The following WSB1 variants were observed in gnomAD, a reference collection of about 807,000 sequenced individuals.
WSB1 encodes the protein WD repeat and SOCS box containing 1.
Under a neutral mutation model 50.2 loss-of-function variants are expected in WSB1, and 23 were observed. The observed-to-expected ratio is 0.46, with a 90% confidence interval of 0.33 to 0.65. The LOEUF (loss-of-function observed/expected upper bound fraction) is 0.65. WSB1 is among the 30% of genes least tolerant of loss of function. The probability of loss-of-function intolerance (pLI) is 0.02; values close to 1 mark genes in which losing one functional copy is unlikely to be tolerated. For missense variants in WSB1, 492 were observed against 522.3 expected (o/e 0.94, Z 0.56); for synonymous variants, 179 against 172.0 (o/e 1.04, Z -0.32).
Position 27,312,408 on chromosome 17 carries a change from A to T in WSB1, c.*39A>T. The T allele has an allele frequency of 6.3e-7, 1 of 1,594,110 alleles. No homozygotes were observed. The highest frequency in any genetic ancestry group is 8.5e-7 in the Non-Finnish European group (1 of 1,174,880). On this transcript the variant is annotated 3_prime_UTR_variant, in exon 9 of 9. Transcript: ENST00000262394. Reference sequence around the variant, plus strand: ...CCCTAGTAGTAGGGACTGACAGAATACACTTAACACAAACCTCAAGCTTTA... The same window carrying T: ...CCCTAGTAGTAGGGACTGACAGAATTCACTTAACACAAACCTCAAGCTTTA...
chr17:27,302,455 TAA>T (rs986683121), intron 2 of WSB1: 10 of 151,932 alleles, frequency 6.6e-5, no homozygotes, highest in African/African-American at 2.4e-4. Context: ...ATTTATACAT[TAA>T]GTTTTTCTGT....
chr17:27,308,483 T>G, intron 5 of WSB1: 2 of 985,150 alleles, frequency 2.0e-6, no homozygotes, highest in Non-Finnish European at 2.4e-6. Flanking sequence ...TGTAATTGTA[T>G]TATTTTCATA....
At chr17:27,308,476 A>G in intron 5 of WSB1, 1 of 984,856 alleles carries the variant, frequency 1.0e-6, no homozygotes, top group Non-Finnish European at 1.2e-6. Context: ...ATTGAAATGT[A>G]ATTGTATTAT....
intron 5 of WSB1, chr17:27,307,669 A>G (rs1184967840): frequency 3.4e-6 from 5 of 1,452,090 alleles, no homozygotes; most frequent in Middle Eastern, 3.5e-4. Context: ...AATCATAAGA[A>G]GAACAAAATT....
Position 27,312,371 on chromosome 17 carries a change from A to G in WSB1, c.*2A>G. The G allele has an allele frequency of 6.2e-7, 1 of 1,613,928 alleles. No individual in the cohort carries two copies. The highest frequency in any genetic ancestry group is 8.5e-7 in the Non-Finnish European group (1 of 1,179,968). ...GAGTTTCTCTCGTATCGTATTTAGA[A>G]GATTCTGCCTTCCCTAGTAGTAGGG... is the stretch of plus-strand genomic sequence containing the variant. On this transcript the variant is annotated 3_prime_UTR_variant, in exon 9 of 9. Transcript: ENST00000262394.
At chr17:27,305,434 A>G (rs1057459605) in intron 4 of WSB1, among the ~76,000 whole-genome samples, 2 of 152,248 alleles carry the variant, frequency 1.3e-5, no homozygotes, top group Non-Finnish European at 2.9e-5. Context: ...TACAATAGAA[A>G]GATACGTTGG....
intron 5 of WSB1, chr17:27,308,334 C>A: frequency 1.0e-6 from 1 of 985,586 alleles, no homozygotes; most frequent in Non-Finnish European, 1.2e-6. Flanking sequence ...AGCTATTCTG[C>A]ACAGTTAACT....
rs142949229 is a variant in WSB1 at position 27,311,633 on chromosome 17, C to CTTTTTTT, written c.1106+37_1106+43dup. ...AGCTGCTGGGTAAATATATTTTTCT[C>CTTTTTTT]TTTTTTTTTTTTTTTTTTTTTTTTT... is the stretch of plus-strand genomic sequence containing the variant. On this transcript the variant is annotated intron_variant, in intron 8 of 8. Transcript: ENST00000262394. 48 of 491,126 alleles carry CTTTTTTT rather than the reference C, an allele frequency of 9.8e-5. No homozygotes were observed. Among genetic ancestry groups the CTTTTTTT allele is most frequent in the South Asian group, 3.3e-4 (12 of 35,966 alleles). The allele number at this position is 491,126 out of a possible 1,614,324, so 30.4% of individuals were successfully genotyped here.
rs1467014445 is a variant in WSB1 at position 27,312,484 on chromosome 17, T to TA, written c.*116dup. ...GACGTAGAAGATTTATTTAATTTGA[T>TA]ATGTTCTTGTACTGCATTTTGATCA... On this transcript the variant is annotated 3_prime_UTR_variant, in exon 9 of 9. Coordinates refer to ENST00000262394, the MANE Select transcript of WSB1 (RefSeq NM_015626.10). The TA allele has an allele frequency of 2.2e-6, 3 of 1,381,686 alleles. No homozygotes were observed. Among genetic ancestry groups the TA allele is most frequent in the Non-Finnish European group, 3.0e-6 (3 of 1,006,952 alleles). 85.6% of individuals were successfully genotyped at this position (1,381,686 alleles called of 1,614,324 possible).
intron 1 of WSB1, among the ~76,000 whole-genome samples, chr17:27,295,409 G>A (rs2016914036): frequency 6.6e-6 from 1 of 152,304 alleles, no homozygotes; most frequent in South Asian, 2.1e-4. Context: ...TAGCCAAAAC[G>A]CGCACTATTT....
At position 27,294,286 on chromosome 17, in the gene WSB1, T is replaced by C. The variant is rs2016850166; in HGVS notation, c.-110T>C. On this transcript the variant is annotated 5_prime_UTR_variant, in exon 1 of 9. Coordinates refer to ENST00000262394, the MANE Select transcript of WSB1 (RefSeq NM_015626.10). Reference sequence around the variant, plus strand: ...CGGCCGCCCCCGCCCGTCTCCTCTGTCCCTGGGCCCGGGAGGGACCAACTT... The same window carrying C: ...CGGCCGCCCCCGCCCGTCTCCTCTGCCCCTGGGCCCGGGAGGGACCAACTT... The C allele has an allele frequency of 4.1e-6, 6 of 1,466,608 alleles. No individual in the cohort carries two copies. The Admixed American group carries it at 1.2e-4, about 29-fold the overall frequency. The allele number at this position is 1,466,608 out of a possible 1,614,324, so 90.8% of individuals were successfully genotyped here. A position where few individuals can be genotyped will look rare whatever the true frequency, so the allele number is the denominator to read the frequency against.
chr17:27,312,404 G>C lies in WSB1; in HGVS notation c.*35G>C. ...CCTTCCCTAGTAGTAGGGACTGACAGAATACACTTAACACAAACCTCAAGC... is the reference window on the plus strand; with the variant it reads ...CCTTCCCTAGTAGTAGGGACTGACACAATACACTTAACACAAACCTCAAGC... On this transcript the variant is annotated 3_prime_UTR_variant, in exon 9 of 9. Transcript: ENST00000262394. 1.2e-6 allele frequency: 2 copies of C among 1,604,062 alleles called. No individual in the cohort carries two copies.
In WSB1 at chr17:27,312,513, G is replaced by A; in HGVS notation, c.*144G>A. 1 of 1,079,546 alleles carries A rather than the reference G, an allele frequency of 9.3e-7. No individual in the cohort carries two copies. Among genetic ancestry groups the A allele is most frequent in the East Asian group, 2.6e-5 (1 of 38,676 alleles). 66.9% of individuals were successfully genotyped at this position (1,079,546 alleles called of 1,614,324 possible). On this transcript the variant is annotated 3_prime_UTR_variant, in exon 9 of 9. Transcript: ENST00000262394. Reference sequence around the variant, plus strand: ...TTCTTGTACTGCATTTTGATCAGTTGAGCTTTTAAAATATTATTTATAGAC... The same window carrying A: ...TTCTTGTACTGCATTTTGATCAGTTAAGCTTTTAAAATATTATTTATAGAC...
At position 27,294,212 on chromosome 17, in the gene WSB1, G is replaced by A; in HGVS notation, c.-184G>A. 2 of 671,468 alleles carry A rather than the reference G, an allele frequency of 3.0e-6. No individual in the cohort carries two copies. The highest frequency in any genetic ancestry group is 2.8e-5 in the East Asian group (1 of 35,398). 41.6% of individuals were successfully genotyped at this position (671,468 alleles called of 1,614,324 possible). A position where few individuals can be genotyped will look rare whatever the true frequency, so the allele number is the denominator to read the frequency against. The stretch of plus-strand genomic sequence containing the variant: ...TTGTCTGTGGTTGACTCCGTACTTT[G>A]GTCTGAGGCCTTCGGGAGCTTTCCC... On this transcript the variant is annotated 5_prime_UTR_variant, in exon 1 of 9. Transcript: ENST00000262394.
chr17:27,294,401 C>T lies in WSB1; in HGVS notation c.6C>T (p.Ala2=), dbSNP rs764453946. ...AATCAGACGGTGCCCCATAGATGGC[C>T]AGCTTTCCCCCGAGGGTCAACGAGA... is the stretch of plus-strand genomic sequence containing the variant. M[A]SFPPRVNEKE... is the part of the protein sequence containing the mutation. The change falls in exon 1 of 9, where the codon GCC becomes GCT. Residue 2 remains alanine (A), a synonymous_variant. Coordinates refer to ENST00000262394, the MANE Select transcript of WSB1 (RefSeq NM_015626.10). 2 of 1,613,804 alleles carry T rather than the reference C, an allele frequency of 1.2e-6. No homozygotes were observed. The highest frequency in any genetic ancestry group is 2.2e-5 in the East Asian group (1 of 44,852).
intron 1 of WSB1, among the ~76,000 whole-genome samples, chr17:27,298,700 A>AAAT (rs941745655): frequency 1.3e-5 from 2 of 151,954 alleles, no homozygotes; most frequent in African/African-American, 4.8e-5. Context: ...AAAATACAAA[A>AAAT]AATAATAATA....
At chr17:27,311,246 A>G (rs2017665984) in intron 7 of WSB1, among the ~76,000 whole-genome samples, 1 of 152,210 alleles carries the variant, frequency 6.6e-6, no homozygotes, top group Admixed American at 6.5e-5. Context: ...CCGGGTGTGA[A>G]CATTCTAGGT....
chr17:27,313,000 C>G lies in WSB1; in HGVS notation c.*631C>G, dbSNP rs2150846342. On this transcript the variant is annotated 3_prime_UTR_variant, in exon 9 of 9. Coordinates refer to ENST00000262394, the MANE Select transcript of WSB1 (RefSeq NM_015626.10). ...AGGTTGCAGTAAGCCAAGATCACACCACTGCACTCCAACCTGGACAACAGA... is the reference window on the plus strand; with the variant it reads ...AGGTTGCAGTAAGCCAAGATCACACGACTGCACTCCAACCTGGACAACAGA... The G allele has an allele frequency of 6.6e-6, 1 of 151,556 alleles. No homozygotes were observed. Among genetic ancestry groups the G allele is most frequent in the African/African-American group, 2.4e-5 (1 of 41,158 alleles). The allele number at this position is 151,556 out of a possible 1,614,324, so 9.4% of individuals were successfully genotyped here. A position where few individuals can be genotyped will look rare whatever the true frequency, so the allele number is the denominator to read the frequency against.
intron 6 of WSB1, among the ~76,000 whole-genome samples, chr17:27,309,685 C>T (rs1358294815): frequency 1.3e-5 from 2 of 151,962 alleles, no homozygotes; most frequent in Middle Eastern, 3.2e-3. Context: ...TGGGTTCAAG[C>T]AGTTCTCCTG....
Sources: allele counts gnomAD v4.1 joint callset (sites outside exome capture counted in the v4.1 genomes callset), GRCh38; gene constraint gnomAD v4.1.1; transcripts MANE v1.5; gene names NCBI Gene and HGNC (gene_info 2026-07-23, HGNC 2026-07-21).